The following PRTG variants were observed in gnomAD, a reference collection of about 807,000 sequenced individuals.
The protein encoded by PRTG is immunoglobulin superfamily, DCC subclass, member 5.
In PRTG, 67 loss-of-function variants were observed where a neutral mutation model predicts 122.5. The ratio of observed to expected loss-of-function variants is 0.55; its 90% CI spans 0.45 to 0.67. The LOEUF is 0.67. PRTG is among the 30% of genes least tolerant of loss of function. The pLI is 0.00. For missense variants in PRTG, 1,435 were observed against 1,415.4 expected, an observed-to-expected ratio of 1.01 and a Z score of -0.22; for synonymous variants, 554 against 501.1, an observed-to-expected ratio of 1.11 and a Z score of -1.41.
At chr15:55,675,426 AGAG>A in intron 9 of PRTG, 90 bp downstream of exon 9, 1 of 926,956 alleles carries the variant, frequency 1.1e-6, no homozygotes. Flanking sequence ...TTAACCAAAA[AGAG>A]GATATTTTCT....
In PRTG at chr15:55,673,689, G is replaced by T. The variant is rs370147827; in HGVS notation, c.1547-13C>A. On this transcript the variant is annotated splice_polypyrimidine_tract_variant and intron_variant, in intron 9 of 19. Transcript: ENST00000389286. The stretch of plus-strand genomic sequence containing the variant: ...GGTCTCAGGGGAACTAGTCATAGAA[G>T]AAATCAGGTTGTTTATAAATATTTA... 1.9e-6 allele frequency: 3 copies of T among 1,604,778 alleles called. No individual in the cohort carries two copies. The highest frequency in any genetic ancestry group is 2.6e-6 in the Non-Finnish European group (3 of 1,172,514).
rs528656488 is a variant in PRTG, at chr15:55,613,221, T to C, written c.*6791A>G. ...ACTTATACTTGTTCTGTTTTATGAC[T>C]CTCCGTTAACTTTGCTGTCTCCTAC... On this transcript the variant is annotated 3_prime_UTR_variant, in exon 20 of 20. Transcript: ENST00000389286. The C allele has an allele frequency of 6.6e-6, 1 of 152,174 alleles. No homozygotes were observed. The highest frequency in any genetic ancestry group is 2.4e-5 in the African/African-American group (1 of 41,548). The allele number at this position is 152,174 out of a possible 1,614,324, so 9.4% of individuals were successfully genotyped here. A position where few individuals can be genotyped will look rare whatever the true frequency, so the allele number is the denominator to read the frequency against.
At chr15:55,633,935 T>C (rs2059241897) in intron 15 of PRTG, among the ~76,000 whole-genome samples, 1 of 152,170 alleles carries the variant, frequency 6.6e-6, no homozygotes, top group Non-Finnish European at 1.5e-5. Context: ...CTTATACAGA[T>C]GTAAAAATCT....
intron 11 of PRTG, among the ~76,000 whole-genome samples, chr15:55,668,271 A>G (rs971657833): frequency 3.3e-5 from 5 of 152,236 alleles, no homozygotes; most frequent in African/African-American, 9.6e-5. Context: ...GTTAAACAAC[A>G]GTATTACATA....
chr15:55,623,228 T>C (rs1329180684), intron 18 of PRTG, among the ~76,000 whole-genome samples: 1 of 152,144 alleles, frequency 6.6e-6, no homozygotes, highest in African/African-American at 2.4e-5. Context: ...ATGGCCTGTG[T>C]CCTATCATCA....
At chr15:55,660,494 A>G (rs1045230196) in intron 11 of PRTG, among the ~76,000 whole-genome samples, 24 of 152,228 alleles carry the variant, frequency 1.6e-4, no homozygotes, top group Non-Finnish European at 2.4e-4. Context: ...GACAGTATTG[A>G]TTTAATTTTC....
At chr15:55,733,514 CAAAAAAAAAAAA>C (rs1171561645) in intron 2 of PRTG, among the ~76,000 whole-genome samples, 1 of 76,394 alleles carries the variant, frequency 1.3e-5, no homozygotes, top group Non-Finnish European at 2.8e-5. Flanking sequence ...CTGTCTCAAA[CAAAAAAAAAAAA>C]AAAAAAAAAG....
At chr15:55,710,740 T>A (rs2030348189) in intron 2 of PRTG, among the ~76,000 whole-genome samples, 1 of 152,178 alleles carries the variant, frequency 6.6e-6, no homozygotes. Flanking sequence ...TGATTCCTGA[T>A]CAACTTATAT....
intron 2 of PRTG, among the ~76,000 whole-genome samples, chr15:55,735,924 A>G (rs1212797180): frequency 2.6e-5 from 4 of 152,182 alleles, no homozygotes; most frequent in African/African-American, 9.7e-5. Context: ...AAAAGCCTGT[A>G]GAACTATATA....
At chr15:55,635,613 T>C (rs2059253634) in intron 15 of PRTG, among the ~76,000 whole-genome samples, 5 of 152,218 alleles carry the variant, frequency 3.3e-5, no homozygotes, top group African/African-American at 1.2e-4. Flanking sequence ...TACTTAGTAC[T>C]TTCAAGTCCC....
intron 11 of PRTG, among the ~76,000 whole-genome samples, chr15:55,649,078 G>A (rs2059339540): frequency 6.8e-6 from 1 of 147,010 alleles, no homozygotes; most frequent in Non-Finnish European, 1.5e-5. Flanking sequence ...GACTGAGCAA[G>A]ACTCCGTCTC....
intron 2 of PRTG, among the ~76,000 whole-genome samples, chr15:55,685,224 T>C (rs2059563632): frequency 6.6e-6 from 1 of 152,108 alleles, no homozygotes; most frequent in Non-Finnish European, 1.5e-5. Context: ...CTGAAAAGGG[T>C]AAAAGGTCAT....
chr15:55,684,510 C>T (rs74399124), intron 2 of PRTG, among the ~76,000 whole-genome samples: 3,984 of 152,180 alleles, frequency 0.026, 181 homozygotes, highest in African/African-American at 0.091. Flanking sequence ...TATTTCAGAT[C>T]AAGACTTTAT....
chr15:55,737,976 T>TTCTCTCCCTCTCTCTC (rs1555438556), intron 2 of PRTG, among the ~76,000 whole-genome samples: 1 of 91,810 alleles, frequency 1.1e-5, no homozygotes, highest in African/African-American at 4.8e-5. Flanking sequence ...TTAATGCCTA[T>TTCTCTCCCTCTCTCTC]TCTCTCTCTC....
Position 55,645,365 on chromosome 15 carries a change from C to T in PRTG, c.2042-4157G>A, listed in dbSNP as rs1204593062. On this transcript the variant is annotated intron_variant, in intron 11 of 19. Coordinates refer to ENST00000389286, the MANE Select transcript of PRTG (RefSeq NM_173814.6). The stretch of plus-strand genomic sequence containing the variant: ...AGGAGAATGGCGTGAACCCGGGAGG[C>T]GGAGCTTGCAGTGAGTCGAGATCGC... Among the ~76,000 whole-genome samples, 8 of 131,288 alleles carry T rather than the reference C, an allele frequency of 6.1e-5. No individual in the cohort carries two copies. In the East Asian group the frequency reaches 7.6e-4, roughly 13 times the overall value. 86.1% of individuals were successfully genotyped at this position (131,288 alleles called of 152,430 possible).
chr15:55,656,337 T>C, intron 11 of PRTG: 1 of 455,682 alleles, frequency 2.2e-6, no homozygotes, highest in Non-Finnish European at 4.4e-6. Flanking sequence ...ATCTGATGGT[T>C]TCATTATTAG....
chr15:55,665,094 T>TA (rs1190432730), intron 11 of PRTG, among the ~76,000 whole-genome samples: 11 of 150,736 alleles, frequency 7.3e-5, no homozygotes, highest in Non-Finnish European at 1.3e-4. Flanking sequence ...TCATCTCCAC[T>TA]AAAAAAAATA....
chr15:55,616,456 C>T lies in PRTG; in HGVS notation c.*3556G>A, dbSNP rs1017862581. Reference sequence around the variant, plus strand: ...ACTATACAGGCTAATTCAGAGGTACCATAATACTCTGCAACATAAAAGCTT... The same window carrying T: ...ACTATACAGGCTAATTCAGAGGTACTATAATACTCTGCAACATAAAAGCTT... On this transcript the variant is annotated 3_prime_UTR_variant, in exon 20 of 20. Transcript: ENST00000389286. 1.1e-4 allele frequency: 17 copies of T among 152,076 alleles called. No homozygotes were observed. The highest frequency in any genetic ancestry group is 4.1e-4 in the African/African-American group (17 of 41,432). 9.4% of individuals were successfully genotyped at this position (152,076 alleles called of 1,614,324 possible). A position where few individuals can be genotyped will look rare whatever the true frequency, so the allele number is the denominator to read the frequency against.
chr15:55,702,639 T>C (rs1468618702), intron 2 of PRTG, among the ~76,000 whole-genome samples: 4 of 152,204 alleles, frequency 2.6e-5, no homozygotes, highest in African/African-American at 9.7e-5. Context: ...TAACTAGAAA[T>C]GGATCTATGT....
Sources: allele counts gnomAD v4.1 joint callset (sites outside exome capture counted in the v4.1 genomes callset), GRCh38; gene constraint gnomAD v4.1.1; transcripts MANE v1.5; gene names NCBI Gene and HGNC (gene_info 2026-07-23, HGNC 2026-07-21).